CFAP221: variants seen among roughly 807,000 people sequenced by gnomAD.
The protein encoded by CFAP221 is cilia and flagella associated protein 221, also known as cilia- and flagella-associated protein 221.
In CFAP221, 97 loss-of-function variants were observed where a neutral mutation model predicts 113.1. The observed-to-expected ratio is 0.86, with a 90% confidence interval of 0.73 to 1.02. The LOEUF is 1.02. Ranked by LOEUF, CFAP221 falls within the 50% of genes least tolerant of loss-of-function variation. CFAP221 has a pLI of 0.00. For missense variants in CFAP221, 1,025 were observed against 1,013.4 expected, an observed-to-expected ratio of 1.01 and a Z score of -0.16; for synonymous variants, 331 against 354.4, an observed-to-expected ratio of 0.93 and a Z score of 0.74.
chr2:119,601,677 T>C (rs1684376644), intron 8 of CFAP221: 1 of 241,204 alleles, frequency 4.1e-6, no homozygotes, highest in South Asian at 1.5e-4. Flanking sequence ...GCATGTCTTA[T>C]TGCCTAGTCG....
At chr2:119,560,598 C>G (rs183553970) in intron 5 of CFAP221, among the ~76,000 whole-genome samples, 277 of 152,200 alleles carry the variant, frequency 1.8e-3, no homozygotes, top group Non-Finnish European at 3.0e-3. Context: ...CTGCCCCTCC[C>G]TTTGCTCTAT....
At chr2:119,584,515 ACATCAAGG>A (rs1683069741) in intron 6 of CFAP221, among the ~76,000 whole-genome samples, 1 of 152,054 alleles carries the variant, frequency 6.6e-6, no homozygotes, top group African/African-American at 2.4e-5. Context: ...TCAGCCCAGA[ACATCAAGG>A]CTGCAGTGAG....
chr2:119,590,929 A>G (rs932924054), intron 7 of CFAP221, among the ~76,000 whole-genome samples: 3 of 152,238 alleles, frequency 2.0e-5, no homozygotes, highest in African/African-American at 4.8e-5. Context: ...CCAGATCTCC[A>G]GCACACAGCG....
chr2:119,615,931 G>A (rs1045125273), intron 14 of CFAP221, among the ~76,000 whole-genome samples: 5 of 152,174 alleles, frequency 3.3e-5, no homozygotes, highest in Admixed American at 3.3e-4. Context: ...AAGGAAACTT[G>A]GTGCCATTTT....
At chr2:119,626,667 T>G (rs1439789448) in intron 15 of CFAP221, among the ~76,000 whole-genome samples, 5 of 152,178 alleles carry the variant, frequency 3.3e-5, no homozygotes, top group African/African-American at 1.2e-4. Context: ...GCCACTGTAG[T>G]ACATGCCTGT....
At chr2:119,566,757 G>T (rs185596986) in intron 6 of CFAP221, among the ~76,000 whole-genome samples, 15 of 152,112 alleles carry the variant, frequency 9.9e-5, no homozygotes, top group African/African-American at 3.6e-4. Flanking sequence ...GCAACTCCTG[G>T]GTCAGTGCCT....
At chr2:119,640,089 G>A (rs1196331726) in intron 21 of CFAP221, among the ~76,000 whole-genome samples, 4 of 152,046 alleles carry the variant, frequency 2.6e-5, no homozygotes, top group Non-Finnish European at 2.9e-5. Context: ...CCTAGGTGAC[G>A]AATTGGCAAT....
chr2:119,659,468 C>G (rs531480899), downstream of CFAP221, among the ~76,000 whole-genome samples: 1 of 22,494 alleles, frequency 4.4e-5, no homozygotes, highest in Non-Finnish European at 1.5e-4. Context: ...TACGATGGCT[C>G]TAAATACAAA....
chr2:119,645,604 T>G (rs1687756713), intron 21 of CFAP221, among the ~76,000 whole-genome samples: 2 of 151,956 alleles, frequency 1.3e-5, no homozygotes, highest in South Asian at 4.2e-4. Flanking sequence ...TTTCAGCCAG[T>G]CTTCATACTT....
chr2:119,559,432 G>T (rs566696216), intron 3 of CFAP221, among the ~76,000 whole-genome samples: 2 of 152,038 alleles, frequency 1.3e-5, no homozygotes, highest in Non-Finnish European at 2.9e-5. Flanking sequence ...TAAGTCTCGG[G>T]CTGGGGTGGG....
chr2:119,649,472 A>C (rs1400208988), intron 22 of CFAP221, among the ~76,000 whole-genome samples: 1 of 152,206 alleles, frequency 6.6e-6, no homozygotes, highest in African/African-American at 2.4e-5. Context: ...AAAGGTTCTT[A>C]GGTCTAGTTT....
chr2:119,623,172 AG>A (rs1322691925), intron 14 of CFAP221, among the ~76,000 whole-genome samples: 1 of 152,254 alleles, frequency 6.6e-6, no homozygotes, highest in East Asian at 1.9e-4. Flanking sequence ...GCAAAGTCTC[AG>A]GATACAAAAT....
intron 5 of CFAP221, 122 bp downstream of exon 5, chr2:119,560,148 G>A (rs1259358747): frequency 1.8e-5 from 14 of 771,078 alleles, no homozygotes; most frequent in Non-Finnish European, 2.9e-5. Context: ...GCCCAGTACC[G>A]GGTGTTCCCC....
intron 12 of CFAP221, among the ~76,000 whole-genome samples, chr2:119,610,093 C>A (rs1007510480): frequency 6.6e-6 from 1 of 152,190 alleles, no homozygotes; most frequent in African/African-American, 2.4e-5. Flanking sequence ...TGTTTTCTAA[C>A]CTTTTTAAAG....
chr2:119,639,523 C>G (rs977951915), intron 20 of CFAP221, among the ~76,000 whole-genome samples: 1 of 152,234 alleles, frequency 6.6e-6, no homozygotes, highest in African/African-American at 2.4e-5. Context: ...CCCTCCATCC[C>G]GAGGACATGT....
chr2:119,658,235 A>G (rs1688497630), downstream of CFAP221, among the ~76,000 whole-genome samples: 1 of 152,204 alleles, frequency 6.6e-6, no homozygotes, highest in Non-Finnish European at 1.5e-5. Context: ...TCAGCATGGA[A>G]TCATGGACAT....
chr2:119,563,567 C>G (rs1442681868), intron 6 of CFAP221, among the ~76,000 whole-genome samples: 1 of 152,172 alleles, frequency 6.6e-6, no homozygotes, highest in Non-Finnish European at 1.5e-5. Context: ...CCCATTGATG[C>G]AGCAACTAAG....
chr2:119,589,563 A>G (rs2104624355), intron 7 of CFAP221: 1 of 152,382 alleles, frequency 6.6e-6, no homozygotes, highest in Middle Eastern at 3.4e-3. Flanking sequence ...AAGACTTGGG[A>G]CATCCCTAGT....
Position 119,615,708 on chromosome 2 carries a change from A to G in CFAP221, c.1409A>G (p.Lys470Arg). The G allele has an allele frequency of 6.2e-7, 1 of 1,606,074 alleles. No individual in the cohort carries two copies. The highest frequency in any genetic ancestry group is 8.5e-7 in the Non-Finnish European group (1 of 1,173,840). ...AAACGGTTTCAACAAGTAGCACGCA[A>G]GGTAAGTCTCAGCACCAGCTGGAAA... ...AQKRFQQVAR[K>R]VMIQGRLFNM... Residue 470 changes from lysine (K) to arginine (R), a missense_variant and splice_region_variant, in exon 14 of 24, where the codon AAG becomes AGG. Coordinates refer to ENST00000413369, the MANE Select transcript of CFAP221 (RefSeq NM_001271049.2).
Sources: allele counts gnomAD v4.1 joint callset (sites outside exome capture counted in the v4.1 genomes callset), GRCh38; gene constraint gnomAD v4.1.1; transcripts MANE v1.5; gene names NCBI Gene and HGNC (gene_info 2026-07-23, HGNC 2026-07-21).